BRD8: variants seen among roughly 807,000 people sequenced by gnomAD.
BRD8 encodes the protein bromodomain containing 8.
Under a neutral mutation model 143.1 loss-of-function variants are expected in BRD8, and 67 were observed. The observed-to-expected ratio is 0.47, with a 90% CI of 0.38 to 0.57. The LOEUF is 0.57. Ranked by LOEUF, BRD8 falls within the 20% of genes least tolerant of loss-of-function variation. The pLI, the probability that BRD8 is intolerant of heterozygous loss-of-function variation, is 0.00. For synonymous variants in BRD8, 505 were observed against 517.1 expected, an observed-to-expected ratio of 0.98 and a Z score of 0.32; for missense variants, 1,103 against 1,503.0, an observed-to-expected ratio of 0.73 and a Z score of 4.40.
At chr5:138,148,795 T>G (rs895461719) in intron 23 of BRD8, among the ~76,000 whole-genome samples, 14 of 152,038 alleles carry the variant, frequency 9.2e-5, no homozygotes, top group Admixed American at 2.0e-4. Flanking sequence ...CCAGGCACAG[T>G]GGCTCAAGCC....
chr5:138,170,203 A>C, intron 7 of BRD8, 142 bp downstream of exon 7: 1 of 670,204 alleles, frequency 1.5e-6, no homozygotes, highest in South Asian at 1.8e-5. Flanking sequence ...TTAAGACATT[A>C]AGGGATGTTT....
chr5:138,164,213 C>A, intron 13 of BRD8, 80 bp from the exon 14 acceptor site: 1 of 1,579,756 alleles, frequency 6.3e-7, no homozygotes, highest in South Asian at 1.1e-5. Context: ...CCCTGCAGCT[C>A]TCCTTTACAT....
Position 138,146,919 on chromosome 5 carries a change from G to A in BRD8, c.3279-1041C>T, listed in dbSNP as rs567510373. ...TAGGAGGCAGAGCTTGCAGTGAGCCGAGATCACGCCACTGCACTGCAGCCT... is the reference window on the plus strand; with the variant it reads ...TAGGAGGCAGAGCTTGCAGTGAGCCAAGATCACGCCACTGCACTGCAGCCT... On this transcript the variant is annotated intron_variant, in intron 23 of 26. Coordinates refer to ENST00000254900, the MANE Select transcript of BRD8 (RefSeq NM_139199.2). Among the ~76,000 whole-genome samples, 4 of 144,160 alleles carry A rather than the reference G, an allele frequency of 2.8e-5. No homozygotes were observed. In the East Asian group the frequency reaches 8.2e-4, roughly 30 times the overall value. The allele number at this position is 144,160 out of a possible 152,430, so 94.6% of individuals were successfully genotyped here.
chr5:138,142,768 A>C (rs1263630869), intron 25 of BRD8, among the ~76,000 whole-genome samples: 1 of 151,208 alleles, frequency 6.6e-6, no homozygotes, highest in Non-Finnish European at 1.5e-5. Flanking sequence ...TCAAAAAAAA[A>C]AAAAAAAAAA....
intron 2 of BRD8, among the ~76,000 whole-genome samples, chr5:138,176,277 C>A (rs1365267955): frequency 6.6e-6 from 1 of 151,780 alleles, no homozygotes; most frequent in Non-Finnish European, 1.5e-5. Flanking sequence ...TATGAAATAT[C>A]CAGAATAGGC....
intron 20 of BRD8, 30 bp downstream of exon 20, chr5:138,159,525 C>T (rs368148848): frequency 4.5e-5 from 73 of 1,612,354 alleles, no homozygotes; most frequent in Non-Finnish European, 5.6e-5. Context: ...TTTGTGGCAA[C>T]ACCACCCCTT....
intron 7 of BRD8, 137 bp downstream of exon 7, chr5:138,170,208 A>G: frequency 1.5e-6 from 1 of 679,728 alleles, no homozygotes; most frequent in Non-Finnish European, 2.6e-6. Flanking sequence ...ACATTAAGGG[A>G]TGTTTTTATT....
At chr5:138,154,867 G>A (rs980129458) in intron 20 of BRD8, among the ~76,000 whole-genome samples, 17 of 128,938 alleles carry the variant, frequency 1.3e-4, no homozygotes, top group African/African-American at 5.1e-4. Context: ...GTCTTGCTCT[G>A]TCGCCAGGTT....
chr5:138,144,914 A>ATAT (rs1300352644), intron 25 of BRD8, among the ~76,000 whole-genome samples: 48 of 142,792 alleles, frequency 3.4e-4, no homozygotes, highest in African/African-American at 1.6e-4. Context: ...AAAAAAAAAA[A>ATAT]AAAAATATAT....
rs773952457 is a variant in BRD8, at chr5:138,163,151, C to T, written c.2066G>A (p.Ser689Asn). 4 of 1,614,108 alleles carry T rather than the reference C, an allele frequency of 2.5e-6. No homozygotes were observed. The Admixed American group carries it at 6.7e-5, about 27-fold the overall frequency. ...TCACAACTGTGAAGAAGCAGGGCTGCTGGGGATGGAGTCTGCCAGTGTGTG... is the reference window on the plus strand; with the variant it reads ...TCACAACTGTGAAGAAGCAGGGCTGTTGGGGATGGAGTCTGCCAGTGTGTG... The part of the protein sequence containing the change: ...QSHTLADSIP[S>N]SPASSQFSVC... Residue 689 changes from serine to asparagine, a missense_variant, in exon 15 of 27, where the codon AGC becomes AAC. Ser to Asn is a conservative substitution (Grantham distance 46, BLOSUM62 1). Coordinates refer to ENST00000254900, the MANE Select transcript of BRD8 (RefSeq NM_139199.2).
At chr5:138,157,196 A>G (rs1465854646) in intron 20 of BRD8, 3 of 1,612,944 alleles carry the variant, frequency 1.9e-6, no homozygotes, top group South Asian at 1.1e-5. Context: ...CAAAGAGGGT[A>G]ACTCTGAGGC....
Position 138,171,412 on chromosome 5 carries a change from T to C in BRD8, c.187-2A>G. 1 of 1,453,880 alleles carries C rather than the reference T, an allele frequency of 6.9e-7. No homozygotes were observed. The highest frequency in any genetic ancestry group is 9.1e-7 in the Non-Finnish European group (1 of 1,104,836). The allele number at this position is 1,453,880 out of a possible 1,614,324, so 90.1% of individuals were successfully genotyped here. A position where few individuals can be genotyped will look rare whatever the true frequency, so the allele number is the denominator to read the frequency against. On this transcript the variant is annotated splice_acceptor_variant, in intron 3 of 26. Coordinates refer to ENST00000254900, the MANE Select transcript of BRD8 (RefSeq NM_139199.2). LOFTEE classifies it high-confidence loss of function. ...CTCCGAGTACTGGGAAGCACAATGCTATTAAAAAAAAAAAAAAAAGTGAAA... is the reference window on the plus strand; with the variant it reads ...CTCCGAGTACTGGGAAGCACAATGCCATTAAAAAAAAAAAAAAAAGTGAAA...
rs756155724 is a variant in BRD8 at position 138,166,082 on chromosome 5, T to C, written c.1024A>G (p.Met342Val). 3 of 1,613,562 alleles carry C rather than the reference T, an allele frequency of 1.9e-6. No individual in the cohort carries two copies. The highest frequency in any genetic ancestry group is 1.7e-5 in the Admixed American group (1 of 60,000). ...PVSQPDNCVPMEAVGDPHTVT... is the reference protein window; with the variant it reads ...PVSQPDNCVPVEAVGDPHTVT... ...GTATGTGGATCCCCCACAGCCTCCA[T>C]GGGAACACAGTTGTCGGGTTGACTC... The change falls in exon 11 of 27, where the codon ATG becomes GTG. Residue 342 changes from methionine to valine, a missense_variant. Met to Val is a conservative substitution (Grantham distance 21). This residue lies in a region of BRD8 where 334 missense variants were observed against 372.5 expected (regional missense o/e 0.90). Coordinates refer to ENST00000254900, the MANE Select transcript of BRD8 (RefSeq NM_139199.2).
Position 138,177,786 on chromosome 5 carries a change from G to A in BRD8, c.20-119C>T, listed in dbSNP as rs1754483225. On this transcript the variant is annotated intron_variant, in intron 1 of 26. Coordinates refer to ENST00000254900, the MANE Select transcript of BRD8 (RefSeq NM_139199.2). Reference sequence around the variant, plus strand: ...AATACAAAACATCCCAACTTGTTAGGACAAAGTGAGCTACTATAACCAAAT... The same window carrying A: ...AATACAAAACATCCCAACTTGTTAGAACAAAGTGAGCTACTATAACCAAAT... 9 of 563,860 alleles carry A rather than the reference G, an allele frequency of 1.6e-5. No homozygotes were observed. The Admixed American group carries it at 2.1e-4, about 13-fold the overall frequency. 34.9% of individuals were successfully genotyped at this position (563,860 alleles called of 1,614,324 possible).
intron 20 of BRD8, 116 bp downstream of exon 20, chr5:138,159,439 C>G (rs1267975342): frequency 1.9e-6 from 2 of 1,079,764 alleles, no homozygotes; most frequent in African/African-American, 1.6e-5. Context: ...CCTGAATAAA[C>G]AGAAGTTCAA....
chr5:138,144,908 AAAAAAAAAAAAT>A (rs1188226712), intron 25 of BRD8, among the ~76,000 whole-genome samples: 1 of 143,434 alleles, frequency 7.0e-6, no homozygotes, highest in Non-Finnish European at 1.5e-5. Context: ...CAAAAAAAAA[AAAAAAAAAAAAT>A]ATATATATAT....
chr5:138,171,907 T>C (rs1301175056), intron 3 of BRD8, among the ~76,000 whole-genome samples, 158 bp downstream of exon 3: 3 of 152,152 alleles, frequency 2.0e-5, no homozygotes, highest in Non-Finnish European at 2.9e-5. Context: ...TGATCATACA[T>C]GGATGGATTA....
In BRD8 at chr5:138,152,718, G is replaced by C; in HGVS notation, c.2620C>G (p.Pro874Ala). The change falls in exon 21 of 27, where the codon CCC becomes GCC. Residue 874 changes from proline to alanine, a missense_variant. Coordinates refer to ENST00000254900, the MANE Select transcript of BRD8 (RefSeq NM_139199.2). ...TCATTGCTCAACTCAGAGTCATTGGGATGATCTTGTTCAGAATCCAGCCAA... is the reference window on the plus strand; with the variant it reads ...TCATTGCTCAACTCAGAGTCATTGGCATGATCTTGTTCAGAATCCAGCCAA... The part of the protein sequence containing the change: ...WVWLDSEQDH[P>A]NDSELSNDCR... 6.2e-7 allele frequency: 1 copy of C among 1,614,202 alleles called. No homozygotes were observed. Among genetic ancestry groups the C allele is most frequent in the Non-Finnish European group, 8.5e-7 (1 of 1,180,052 alleles).
chr5:138,159,406 G>T, intron 20 of BRD8, 149 bp downstream of exon 20: 4 of 824,182 alleles, frequency 4.9e-6, no homozygotes, highest in Non-Finnish European at 3.9e-6. Flanking sequence ...GAATGCAGAA[G>T]AAAAGAGTTT....
Sources: allele counts gnomAD v4.1 joint callset (sites outside exome capture counted in the v4.1 genomes callset), GRCh38; gene constraint gnomAD v4.1.1; regional missense constraint gnomAD v4.1.1; transcripts MANE v1.5; gene names NCBI Gene and HGNC (gene_info 2026-07-23, HGNC 2026-07-21).